PTPRA: variants seen among roughly 807,000 people sequenced by gnomAD.
PTPRA encodes the protein receptor-type tyrosine-protein phosphatase alpha.
In PTPRA, 25 loss-of-function variants were observed where a neutral mutation model predicts 104.8. The observed-to-expected ratio is 0.24, with a 90% CI of 0.17 to 0.33. PTPRA has a LOEUF of 0.33. PTPRA is among the 10% of genes least tolerant of loss of function. The probability of loss-of-function intolerance (pLI) is 1.00; values close to 1 mark genes in which losing one functional copy is unlikely to be tolerated. For synonymous variants in PTPRA, 323 were observed against 368.9 expected, an observed-to-expected ratio of 0.88 and a Z score of 1.43; for missense variants, 765 against 1,015.3, an observed-to-expected ratio of 0.75 and a Z score of 3.35.
chr20:3,017,924 A>G lies in PTPRA; in HGVS notation c.1041+11A>G. On this transcript the variant is annotated intron_variant, in intron 13 of 23. Transcript: ENST00000399903. ...AAGGAGAGAAAGGAGGTAAGTGGAA[A>G]AATTGGATGTGAACAGCAGAAGGAT... 6.2e-7 allele frequency: 1 copy of G among 1,607,682 alleles called. No homozygotes were observed. The highest frequency in any genetic ancestry group is 1.1e-5 in the South Asian group (1 of 90,904).
chr20:3,008,616 G>A (rs978758980), intron 11 of PTPRA, among the ~76,000 whole-genome samples: 4 of 151,782 alleles, frequency 2.6e-5, no homozygotes, highest in Admixed American at 1.3e-4. Flanking sequence ...AAAATCAGCC[G>A]GGCACGGTGG....
intron 1 of PTPRA, among the ~76,000 whole-genome samples, chr20:2,899,320 C>T (rs985695356): frequency 2.0e-5 from 3 of 151,994 alleles, no homozygotes; most frequent in Non-Finnish European, 4.4e-5. Context: ...ACAGAGAGGC[C>T]AATATTATTG....
chr20:2,923,345 A>G, intron 2 of PTPRA, 60 bp downstream of exon 2: 1 of 1,175,556 alleles, frequency 8.5e-7, no homozygotes, highest in Non-Finnish European at 1.1e-6. Context: ...GTGTCCTTAA[A>G]TAAAGCTAAC....
At chr20:2,903,083 A>G (rs533850413) in intron 1 of PTPRA, among the ~76,000 whole-genome samples, 135 of 152,312 alleles carry the variant, frequency 8.9e-4, no homozygotes, top group Middle Eastern at 3.4e-3. Context: ...ATGCTCCAAA[A>G]TCTGAAACTT....
At chr20:2,896,550 A>G (rs752826181) in intron 1 of PTPRA, among the ~76,000 whole-genome samples, 4 of 152,172 alleles carry the variant, frequency 2.6e-5, no homozygotes, top group South Asian at 2.1e-4. Context: ...CACTTCACCC[A>G]TCTATGTAAT....
intron 10 of PTPRA, among the ~76,000 whole-genome samples, chr20:3,005,584 TAATA>T (rs1271627973): frequency 6.7e-6 from 1 of 149,086 alleles, no homozygotes; most frequent in Non-Finnish European, 1.5e-5. Context: ...AAATAAATAA[TAATA>T]AATAAGATAA....
intron 6 of PTPRA, among the ~76,000 whole-genome samples, chr20:2,977,726 C>T (rs998614624): frequency 8.6e-5 from 13 of 151,018 alleles, no homozygotes; most frequent in African/African-American, 1.7e-4. Flanking sequence ...CTTTTACATT[C>T]GGCATTTATT....
At chr20:3,027,875 G>A (rs1240222032) in intron 20 of PTPRA, 34 bp downstream of exon 20, 2 of 1,609,494 alleles carry the variant, frequency 1.2e-6, no homozygotes, top group Non-Finnish European at 8.5e-7. Flanking sequence ...GTGAGAGACA[G>A]AGACAGCATG....
chr20:2,980,755 A>G (rs1048242427), intron 6 of PTPRA, among the ~76,000 whole-genome samples: 10 of 152,156 alleles, frequency 6.6e-5, no homozygotes, highest in African/African-American at 2.4e-4. Context: ...AAATTGCAGT[A>G]TATTTTGAAA....
At chr20:2,925,184 A>G (rs540253786) in intron 2 of PTPRA, among the ~76,000 whole-genome samples, 14 of 151,764 alleles carry the variant, frequency 9.2e-5, no homozygotes, top group African/African-American at 3.1e-4. Flanking sequence ...TTAAACACTA[A>G]CTCCCCATTT....
Position 3,021,445 on chromosome 20 carries a change from C to A in PTPRA, c.1161+17C>A. On this transcript the variant is annotated intron_variant, in intron 14 of 23. Coordinates refer to ENST00000399903, the MANE Select transcript of PTPRA (RefSeq NM_001385305.1). ...ATCCAGCAGGTAGTGTCTCCTCTGTCCTTTCTCAGTTCTTATGTTGGATCT... is the reference window on the plus strand; with the variant it reads ...ATCCAGCAGGTAGTGTCTCCTCTGTACTTTCTCAGTTCTTATGTTGGATCT... 6.2e-7 allele frequency: 1 copy of A among 1,613,510 alleles called. No individual in the cohort carries two copies. The highest frequency in any genetic ancestry group is 8.5e-7 in the Non-Finnish European group (1 of 1,179,622).
At chr20:2,953,476 A>G in intron 3 of PTPRA, among the ~76,000 whole-genome samples, 1 of 151,316 alleles carries the variant, frequency 6.6e-6, no homozygotes, top group South Asian at 2.1e-4. Flanking sequence ...GATGGTCTCG[A>G]TCTCCGGACC....
chr20:2,914,168 C>T (rs1365698858), intron 1 of PTPRA, among the ~76,000 whole-genome samples: 1 of 152,186 alleles, frequency 6.6e-6, no homozygotes, highest in African/African-American at 2.4e-5. Context: ...ATTGTCCTAT[C>T]ATTCTTTGAT....
intron 1 of PTPRA, among the ~76,000 whole-genome samples, chr20:2,918,213 G>C (rs191802458): frequency 6.6e-6 from 1 of 151,050 alleles, no homozygotes; most frequent in African/African-American, 2.4e-5. Flanking sequence ...TTTTTAAAAC[G>C]AGACAGGGTG....
intron 6 of PTPRA, among the ~76,000 whole-genome samples, chr20:2,978,885 C>G (rs2062554961): frequency 6.6e-6 from 1 of 152,176 alleles, no homozygotes; most frequent in Admixed American, 6.5e-5. Context: ...TTGCCGACCC[C>G]TCTTCTAGGC....
At chr20:2,893,425 A>G (rs1568642035) in intron 1 of PTPRA, among the ~76,000 whole-genome samples, 1 of 152,220 alleles carries the variant, frequency 6.6e-6, no homozygotes, top group Non-Finnish European at 1.5e-5. Flanking sequence ...ATGCACATCA[A>G]CTGGACATTT....
the PTPRA span, chr20:2,865,481 C>G: frequency 6.2e-7 from 1 of 1,613,988 alleles, no homozygotes; most frequent in Non-Finnish European, 8.5e-7. This position sits in a 1 kb window ranked among gnomAD's most constrained non-coding sequence, Gnocchi z 5.2. Flanking sequence ...CAAGAAATCA[C>G]CCATTGGCTA....
intron 19 of PTPRA, 84 bp downstream of exon 19, chr20:3,027,281 T>C: frequency 7.5e-7 from 1 of 1,332,916 alleles, no homozygotes; most frequent in South Asian, 1.2e-5. Context: ...CCATACCTGC[T>C]GGGGAGGATC....
intron 2 of PTPRA, among the ~76,000 whole-genome samples, chr20:2,931,440 TAGACAGTC>T (rs2060499159): frequency 6.6e-6 from 1 of 151,958 alleles, no homozygotes; most frequent in African/African-American, 2.4e-5. Context: ...TGTAAGGTGA[TAGACAGTC>T]AGCAGGCACT....
Sources: allele counts gnomAD v4.1 joint callset (sites outside exome capture counted in the v4.1 genomes callset), GRCh38; gene constraint gnomAD v4.1.1; non-coding constraint Gnocchi (gnomAD v3.1); transcripts MANE v1.5; gene names NCBI Gene and HGNC (gene_info 2026-07-23, HGNC 2026-07-21).